Variants in APLF observed in about 807,000 individuals in gnomAD.
APLF encodes aprataxin and PNKP like factor, also known as aprataxin and PNK-like factor.
In APLF, 61 loss-of-function variants were observed where a neutral mutation model predicts 55.6. That is an observed-to-expected ratio of 1.10 (90% CI 0.89 to 1.36). The LOEUF (loss-of-function observed/expected upper bound fraction) is 1.36. Ranked by LOEUF, APLF falls within the 40% of genes most tolerant of loss-of-function variation. APLF has a pLI of 0.00. For missense variants in APLF, 611 were observed against 602.5 expected (o/e 1.01, Z -0.15); for synonymous variants, 207 against 214.8 (o/e 0.96, Z 0.32).
At chr2:68,512,940 C>T in intron 3 of APLF, 140 bp from the exon 4 acceptor site, 2 of 577,798 alleles carry the variant, frequency 3.5e-6, no homozygotes, top group Non-Finnish European at 5.9e-6. Context: ...ATATTCTAGT[C>T]TATATATTCT....
chr2:68,507,491 C>G lies in APLF; in HGVS notation c.341+4588C>G, dbSNP rs544537108. ...TCAGTTCTAGTTTGTTCATTTTTCA[C>G]TCTTTTCTCTACATATGTGTCTATG... On this transcript the variant is annotated intron_variant, in intron 3 of 9. Transcript: ENST00000303795. 3.3e-5 allele frequency among the ~76,000 whole-genome samples: 5 copies of G among 152,048 alleles called. 1 individual carries two copies. The South Asian group carries it at 1.0e-3, about 31-fold the overall frequency.
Position 68,578,279 on chromosome 2 carries a change from G to T in APLF, c.*257G>T. ...AGACAGAGAAGGTAGAGTAAAAATG[G>T]ATATTTTTTATGTACTTTGTATATT... is the stretch of plus-strand genomic sequence containing the variant. On this transcript the variant is annotated 3_prime_UTR_variant, in exon 10 of 10. Transcript: ENST00000303795. 8.4e-7 allele frequency: 1 copy of T among 1,189,534 alleles called. No individual in the cohort carries two copies. Among genetic ancestry groups the T allele is most frequent in the Non-Finnish European group, 1.0e-6 (1 of 955,106 alleles). The allele number at this position is 1,189,534 out of a possible 1,614,324, so 73.7% of individuals were successfully genotyped here.
At chr2:68,547,751 T>C (rs1670745329) in intron 8 of APLF, among the ~76,000 whole-genome samples, 1 of 151,790 alleles carries the variant, frequency 6.6e-6, no homozygotes, top group Non-Finnish European at 1.5e-5. Flanking sequence ...AGCTTTATTT[T>C]TTTTTGTTTG....
chr2:68,553,224 A>G (rs1670913834), intron 8 of APLF, among the ~76,000 whole-genome samples: 1 of 152,126 alleles, frequency 6.6e-6, no homozygotes, highest in Non-Finnish European at 1.5e-5. Context: ...TAATATTTGG[A>G]GTTTTCAAAG....
chr2:68,496,642 C>A (rs1676558895), intron 2 of APLF, among the ~76,000 whole-genome samples: 1 of 152,194 alleles, frequency 6.6e-6, no homozygotes, highest in Non-Finnish European at 1.5e-5. Context: ...GAACACTTTG[C>A]TGCTTAGAGG....
chr2:68,533,556 C>A (rs1165196679), intron 6 of APLF, among the ~76,000 whole-genome samples: 1 of 152,004 alleles, frequency 6.6e-6, no homozygotes, highest in Non-Finnish European at 1.5e-5. Flanking sequence ...CTGGGCAATT[C>A]TTTTATGACA....
Position 68,529,893 on chromosome 2 carries a change from C to T in APLF, c.804+3651C>T, listed in dbSNP as rs1351268685. ...ACAGGGCCAGAACCTGGAAGCAGAGCGCAGGACCAGCCAGATCCCGCCAGG... is the reference window on the plus strand; with the variant it reads ...ACAGGGCCAGAACCTGGAAGCAGAGTGCAGGACCAGCCAGATCCCGCCAGG... On this transcript the variant is annotated intron_variant, in intron 6 of 9. Coordinates refer to ENST00000303795, the MANE Select transcript of APLF (RefSeq NM_173545.3). This position sits in a 1 kb window ranked among gnomAD's most constrained non-coding sequence, Gnocchi z 4.4. Among the ~76,000 whole-genome samples, 14 of 152,178 alleles carry T rather than the reference C, an allele frequency of 9.2e-5. No homozygotes were observed. Among genetic ancestry groups the T allele is most frequent in the Non-Finnish European group, 1.5e-4 (10 of 68,014 alleles).
At position 68,550,967 on chromosome 2, in the gene APLF, G is replaced by A. The variant is rs867011492; in HGVS notation, c.1286+5655G>A. On this transcript the variant is annotated intron_variant, in intron 8 of 9. Coordinates refer to ENST00000303795, the MANE Select transcript of APLF (RefSeq NM_173545.3). ...GAGTGCCCTTTATTTCTTCCTAAAC[G>A]TCTATCCTTTCATCTGGGATCCTTT... Among the ~76,000 whole-genome samples, 6 of 151,860 alleles carry A rather than the reference G, an allele frequency of 4.0e-5. No individual in the cohort carries two copies. The South Asian group carries it at 6.3e-4, about 16-fold the overall frequency.
chr2:68,518,215 G>A (rs185945873), intron 5 of APLF, among the ~76,000 whole-genome samples: 1,190 of 113,654 alleles, frequency 0.01, 23 homozygotes, highest in African/African-American at 0.039. Context: ...ATAATATATC[G>A]TTAATATATA....
At chr2:68,471,680 G>A (rs911929358) in intron 1 of APLF, among the ~76,000 whole-genome samples, 4 of 152,174 alleles carry the variant, frequency 2.6e-5, no homozygotes, top group African/African-American at 9.7e-5. Context: ...GTTGGTAACA[G>A]TGTCATATTG....
intron 5 of APLF, among the ~76,000 whole-genome samples, chr2:68,524,818 C>T (rs1006443366): frequency 2.6e-5 from 4 of 152,180 alleles, no homozygotes; most frequent in African/African-American, 9.6e-5. Context: ...AAAGTTTCTG[C>T]CTTCATGAAG....
intron 1 of APLF, among the ~76,000 whole-genome samples, chr2:68,474,931 G>A (rs1675726716): frequency 6.6e-6 from 1 of 152,160 alleles, no homozygotes; most frequent in African/African-American, 2.4e-5. Flanking sequence ...GCCTCCCAAA[G>A]TGTTGAGATT....
intron 1 of APLF, among the ~76,000 whole-genome samples, chr2:68,472,144 T>C (rs902959142): frequency 6.6e-6 from 1 of 152,226 alleles, no homozygotes; most frequent in African/African-American, 2.4e-5. Context: ...AGTTTTATTT[T>C]GCAGAGCTCT....
Position 68,578,280 on chromosome 2 carries a change from A to ATAT in APLF, c.*260_*262dup. 1 of 1,189,788 alleles carries ATAT rather than the reference A, an allele frequency of 8.4e-7. No homozygotes were observed. The allele number at this position is 1,189,788 out of a possible 1,614,324, so 73.7% of individuals were successfully genotyped here. ...GACAGAGAAGGTAGAGTAAAAATGG[A>ATAT]TATTTTTTATGTACTTTGTATATTG... On this transcript the variant is annotated 3_prime_UTR_variant, in exon 10 of 10. Transcript: ENST00000303795.
chr2:68,543,899 T>A (rs1334357497), intron 7 of APLF, among the ~76,000 whole-genome samples: 2 of 152,088 alleles, frequency 1.3e-5, no homozygotes, highest in Admixed American at 6.5e-5. Context: ...TGTTTTATAA[T>A]ATCACTTCTT....
chr2:68,493,976 C>T (rs952368259), intron 2 of APLF, among the ~76,000 whole-genome samples: 5 of 151,550 alleles, frequency 3.3e-5, no homozygotes, highest in Admixed American at 2.6e-4. Flanking sequence ...GGCGTGGTGG[C>T]GGGTGCCTGT....
Position 68,503,681 on chromosome 2 carries a change from T to TA in APLF, c.341+783dup, listed in dbSNP as rs547109638. The stretch of plus-strand genomic sequence containing the variant: ...GAACAGAGTGATACTGAAAACAGCA[T>TA]AAAAATTTGTGAGATGCAGCTAAAT... On this transcript the variant is annotated intron_variant, in intron 3 of 9. Transcript: ENST00000303795. 2.9e-3 allele frequency among the ~76,000 whole-genome samples: 436 copies of TA among 152,188 alleles called. 2 individuals are homozygous for TA. The highest frequency in any genetic ancestry group is 5.1e-3 in the Non-Finnish European group (348 of 67,948).
At chr2:68,536,148 G>A (rs1414941310) in intron 6 of APLF, among the ~76,000 whole-genome samples, 1 of 152,126 alleles carries the variant, frequency 6.6e-6, no homozygotes, top group Non-Finnish European at 1.5e-5. Flanking sequence ...CCTGGAGTTG[G>A]GGGGTTGAGA....
At chr2:68,543,007 C>A (rs1471727406) in intron 7 of APLF, among the ~76,000 whole-genome samples, 1 of 152,048 alleles carries the variant, frequency 6.6e-6, no homozygotes, top group Non-Finnish European at 1.5e-5. Flanking sequence ...TGTGTATGAA[C>A]CTTGAGGACA....
Sources: allele counts gnomAD v4.1 joint callset (sites outside exome capture counted in the v4.1 genomes callset), GRCh38; gene constraint gnomAD v4.1.1; non-coding constraint Gnocchi (gnomAD v3.1); transcripts MANE v1.5; gene names NCBI Gene and HGNC (gene_info 2026-07-23, HGNC 2026-07-21).